PEPD: variants seen among roughly 807,000 people sequenced by gnomAD.
PEPD encodes peptidase D.
Under a neutral mutation model 60.7 loss-of-function variants are expected in PEPD, and 53 were observed. The ratio of observed to expected loss-of-function variants is 0.87; its 90% CI spans 0.70 to 1.10. The LOEUF is 1.10. Ranked by LOEUF, PEPD falls within the 50% of genes least tolerant of loss-of-function variation. The pLI, the probability that PEPD is intolerant of heterozygous loss-of-function variation, is 0.00. For missense variants in PEPD, 711 were observed against 711.9 expected (o/e 1.00, Z 0.01); for synonymous variants, 267 against 284.1 (o/e 0.94, Z 0.60).
intron 9 of PEPD, among the ~76,000 whole-genome samples, chr19:33,441,182 C>A (rs577035302): frequency 1.3e-5 from 2 of 152,350 alleles, no homozygotes; most frequent in East Asian, 3.9e-4. Flanking sequence ...CTCCACCAAG[C>A]CCAGGGAGCT....
chr19:33,463,409 A>T (rs780543663), intron 8 of PEPD, among the ~76,000 whole-genome samples: 1 of 152,256 alleles, frequency 6.6e-6, no homozygotes, highest in East Asian at 1.9e-4. Flanking sequence ...TTTAACTTTC[A>T]TAAAACACGG....
rs1031542443 is a variant in PEPD at position 33,432,010 on chromosome 19, A to AAAAAAAAAAAAAAAAAAG, written c.672-18368_672-18367insCTTTTTTTTTTTTTTTTT. 4.1e-5 allele frequency among the ~76,000 whole-genome samples: 6 copies of AAAAAAAAAAAAAAAAAAG among 147,604 alleles called. 1 individual carries two copies. The highest frequency in any genetic ancestry group is 1.5e-4 in the African/African-American group (6 of 39,296). ...ACCACCTCAAAAAAAAAAAAAAAAA[A>AAAAAAAAAAAAAAAAAAG]GGGAAGATTAAACCCAGAGTGACCA... On this transcript the variant is annotated intron_variant, in intron 9 of 14. Transcript: ENST00000244137.
At chr19:33,495,813 C>T (rs1172261325) in intron 4 of PEPD, among the ~76,000 whole-genome samples, 1 of 152,054 alleles carries the variant, frequency 6.6e-6, no homozygotes, top group Non-Finnish European at 1.5e-5. Flanking sequence ...TGATGAAACC[C>T]CGTCTCTATT....
intron 12 of PEPD, among the ~76,000 whole-genome samples, chr19:33,399,648 T>C (rs1968443206): frequency 6.6e-6 from 1 of 152,170 alleles, no homozygotes; most frequent in African/African-American, 2.4e-5. Context: ...TGAAGCACAC[T>C]TGGGCCGGCG....
chr19:33,387,317 C>A lies in PEPD; in HGVS notation c.*27G>T, dbSNP rs1211182312. 2.5e-6 allele frequency: 4 copies of A among 1,613,256 alleles called. No homozygotes were observed. On this transcript the variant is annotated 3_prime_UTR_variant, in exon 15 of 15. Transcript: ENST00000244137. Reference sequence around the variant, plus strand: ...AAAAGAGGTTGCAAGGCCAGGCCCCCAGGTGCGCTGGGATTTCTGGCTGGC... The same window carrying A: ...AAAAGAGGTTGCAAGGCCAGGCCCCAAGGTGCGCTGGGATTTCTGGCTGGC...
chr19:33,518,881 C>T (rs1415815094), intron 1 of PEPD, among the ~76,000 whole-genome samples: 1 of 152,116 alleles, frequency 6.6e-6, no homozygotes, highest in African/African-American at 2.4e-5. Flanking sequence ...TAAACCTTTA[C>T]CCGAGGGCTG....
intron 1 of PEPD, 104 bp from the exon 2 acceptor site, chr19:33,512,880 AC>A: frequency 7.6e-7 from 1 of 1,308,784 alleles, no homozygotes; most frequent in Non-Finnish European, 1.1e-6. Context: ...CTGCCGTGGG[AC>A]CCCCATCAGC....
intron 11 of PEPD, among the ~76,000 whole-genome samples, chr19:33,405,986 C>T (rs1968613762): frequency 6.6e-6 from 1 of 152,214 alleles, no homozygotes; most frequent in East Asian, 1.9e-4. Context: ...CTGGCATTGC[C>T]ATTTTATGCA....
chr19:33,446,582 C>T (rs943169311), intron 9 of PEPD, among the ~76,000 whole-genome samples: 10 of 152,248 alleles, frequency 6.6e-5, no homozygotes, highest in Non-Finnish European at 1.2e-4. Flanking sequence ...GAGAGCCCCA[C>T]AGTCACATGC....
At position 33,500,920 on chromosome 19, in the gene PEPD, G is replaced by T. The variant is rs757451481; in HGVS notation, c.393+18C>A. The T allele has an allele frequency of 6.7e-7, 1 of 1,502,184 alleles. No homozygotes were observed. The highest frequency in any genetic ancestry group is 9.3e-7 in the Non-Finnish European group (1 of 1,078,656). 93.1% of individuals were successfully genotyped at this position (1,502,184 alleles called of 1,614,324 possible). A position where few individuals can be genotyped will look rare whatever the true frequency, so the allele number is the denominator to read the frequency against. On this transcript the variant is annotated intron_variant, in intron 4 of 14. Coordinates refer to ENST00000244137, the MANE Select transcript of PEPD (RefSeq NM_000285.4). ...GCTGGAAGCCCTGGGCTGCTCAGAGGAGGAGCCGGCTACCCACCTCATCTA... is the reference window on the plus strand; with the variant it reads ...GCTGGAAGCCCTGGGCTGCTCAGAGTAGGAGCCGGCTACCCACCTCATCTA...
chr19:33,412,174 C>T lies in PEPD; in HGVS notation c.741-425G>A, dbSNP rs544131665. On this transcript the variant is annotated intron_variant, in intron 10 of 14. Transcript: ENST00000244137. The stretch of plus-strand genomic sequence containing the variant: ...GCCTGGGCAACATGGCGAAACCCTA[C>T]CTCTACAGAAAATGCAAAAAAAATT... Among the ~76,000 whole-genome samples, 8 of 152,212 alleles carry T rather than the reference C, an allele frequency of 5.3e-5. No homozygotes were observed. The East Asian group carries it at 7.7e-4, about 15-fold the overall frequency.
intron 9 of PEPD, among the ~76,000 whole-genome samples, chr19:33,428,457 C>T (rs1226052187): frequency 2.0e-5 from 3 of 152,246 alleles, no homozygotes; most frequent in Admixed American, 2.0e-4. Context: ...CCCACCTTCC[C>T]ACCAGGAGGT....
chr19:33,406,658 G>T (rs1369808587), intron 11 of PEPD, among the ~76,000 whole-genome samples: 3 of 152,160 alleles, frequency 2.0e-5, no homozygotes, highest in Non-Finnish European at 2.9e-5. Context: ...GGGCAAGGGG[G>T]TCCCCAGGAG....
chr19:33,514,962 G>A (rs921049651), intron 1 of PEPD, among the ~76,000 whole-genome samples: 3 of 152,156 alleles, frequency 2.0e-5, no homozygotes, highest in Admixed American at 6.5e-5. Flanking sequence ...AACTCCTAAC[G>A]TGGGGCCAGG....
intron 9 of PEPD, among the ~76,000 whole-genome samples, chr19:33,419,261 G>A (rs1968959197): frequency 6.6e-6 from 1 of 152,182 alleles, no homozygotes; most frequent in Admixed American, 6.5e-5. Context: ...CACTCTCCCT[G>A]ACTACTCAGC....
At chr19:33,437,819 C>T (rs1056915400) in intron 9 of PEPD, among the ~76,000 whole-genome samples, 16 of 152,130 alleles carry the variant, frequency 1.1e-4, no homozygotes, top group African/African-American at 2.7e-4. Flanking sequence ...ACGCCCCGAC[C>T]GTGCAGTTCA....
At chr19:33,432,453 C>T (rs1483532457) in intron 9 of PEPD, among the ~76,000 whole-genome samples, 1 of 152,216 alleles carries the variant, frequency 6.6e-6, no homozygotes, top group Non-Finnish European at 1.5e-5. Flanking sequence ...GCCCACCCCA[C>T]CCCAGGGGAA....
intron 7 of PEPD, among the ~76,000 whole-genome samples, chr19:33,469,427 T>G (rs1032625219): frequency 6.6e-6 from 1 of 152,036 alleles, no homozygotes; most frequent in African/African-American, 2.4e-5. Flanking sequence ...TCCGAAGATA[T>G]CTACCCCCAA....
chr19:33,443,341 A>G (rs1335208728), intron 9 of PEPD, among the ~76,000 whole-genome samples: 1 of 152,166 alleles, frequency 6.6e-6, no homozygotes, highest in Non-Finnish European at 1.5e-5. Flanking sequence ...GGACATTTGG[A>G]TTCTTTTCCA....
Sources: allele counts gnomAD v4.1 joint callset (sites outside exome capture counted in the v4.1 genomes callset), GRCh38; gene constraint gnomAD v4.1.1; transcripts MANE v1.5; gene names NCBI Gene and HGNC (gene_info 2026-07-23, HGNC 2026-07-21).